Variants in GFOD2 observed in about 807,000 individuals in gnomAD.
The protein encoded by GFOD2 is Gfo/Idh/MocA-like oxidoreductase domain containing 2.
In GFOD2, 9 loss-of-function variants were observed where a neutral mutation model predicts 24.6. The ratio of observed to expected loss-of-function variants is 0.37; its 90% CI spans 0.22 to 0.64. The LOEUF is 0.64. Ranked by LOEUF, GFOD2 falls within the 30% of genes least tolerant of loss-of-function variation. The probability of loss-of-function intolerance (pLI) is 0.65; values close to 1 mark genes in which losing one functional copy is unlikely to be tolerated. For synonymous variants in GFOD2, 211 were observed against 224.8 expected, an observed-to-expected ratio of 0.94 and a Z score of 0.55; for missense variants, 476 against 532.5, an observed-to-expected ratio of 0.89 and a Z score of 1.04.
intron 1 of GFOD2, among the ~76,000 whole-genome samples, chr16:67,698,700 A>G (rs544491579): frequency 6.6e-6 from 1 of 152,304 alleles, no homozygotes; most frequent in Non-Finnish European, 1.5e-5. Context: ...GCTGGTCTCG[A>G]ACTCCTGACC....
chr16:67,689,176 T>C (rs1357226749), intron 1 of GFOD2, among the ~76,000 whole-genome samples: 1 of 151,506 alleles, frequency 6.6e-6, no homozygotes, highest in Non-Finnish European at 1.5e-5. Context: ...ATAGCTGGGA[T>C]TACAGGTGTG....
At chr16:67,713,860 T>C (rs191073721) in intron 1 of GFOD2, among the ~76,000 whole-genome samples, 16 of 152,150 alleles carry the variant, frequency 1.1e-4, no homozygotes, top group Admixed American at 4.6e-4. Flanking sequence ...TGCTTTGATG[T>C]TTCCTATGAC....
Position 67,675,529 on chromosome 16 carries a change from C to T in GFOD2, c.784G>A (p.Ala262Thr), listed in dbSNP as rs756020512. ...TGCCCATAGAGGTCGGCTCCCCGGG[C>T]GACGAGGCGTCCTGCAGAGCCTACC... ...MVVGSAGRLV[A>T]RGADLYGQKN... The change falls in exon 3 of 3, where the codon GCC (alanine) becomes ACC (threonine). Residue 262 changes from alanine to threonine, a missense_variant. Physicochemically the swap from Ala to Thr is moderately conservative, Grantham distance 58 (BLOSUM62 0). Coordinates refer to ENST00000268797, the MANE Select transcript of GFOD2 (RefSeq NM_030819.4). The T allele has an allele frequency of 5.6e-6, 9 of 1,612,744 alleles. No individual in the cohort carries two copies. Among genetic ancestry groups the T allele is most frequent in the African/African-American group, 5.3e-5 (4 of 74,946 alleles).
intron 1 of GFOD2, among the ~76,000 whole-genome samples, chr16:67,686,869 G>A (rs1015156922): frequency 1.3e-5 from 2 of 150,818 alleles, no homozygotes; most frequent in Non-Finnish European, 3.0e-5. Flanking sequence ...ACTGGAGGCC[G>A]GGCGTGGTGG....
At chr16:67,676,712 C>G (rs1033113099) in intron 2 of GFOD2, 1 of 152,290 alleles carries the variant, frequency 6.6e-6, no homozygotes, top group Non-Finnish European at 1.5e-5. Flanking sequence ...AAGGCTAGAA[C>G]ATGTTTGGCT....
intron 1 of GFOD2, among the ~76,000 whole-genome samples, chr16:67,686,153 C>G (rs956326882): frequency 6.6e-6 from 1 of 151,986 alleles, no homozygotes; most frequent in African/African-American, 2.4e-5. Flanking sequence ...TGGTGGCATG[C>G]GCTTGTTGTA....
At chr16:67,707,330 C>A (rs2053445838) in intron 1 of GFOD2, among the ~76,000 whole-genome samples, 1 of 150,930 alleles carries the variant, frequency 6.6e-6, no homozygotes, top group African/African-American at 2.4e-5. Context: ...TGCACTCCAG[C>A]CTGGGCCACA....
At position 67,719,275 on chromosome 16, in the gene GFOD2, G is replaced by T. The variant is rs1367717153; in HGVS notation, c.-200C>A. On this transcript the variant is annotated 5_prime_UTR_variant, in exon 1 of 3. Transcript: ENST00000268797. ...GGCTGGCGGGGATGCGCGGGCCCGG[G>T]AGTCCAGGGCGCCGCCACCGGGAAC... The T allele has an allele frequency of 1.3e-5, 2 of 152,248 alleles. No homozygotes were observed. Among genetic ancestry groups the T allele is most frequent in the African/African-American group, 4.8e-5 (2 of 41,456 alleles). The allele number at this position is 152,248 out of a possible 1,614,324, so 9.4% of individuals were successfully genotyped here.
chr16:67,704,249 C>T (rs886116643), intron 1 of GFOD2, among the ~76,000 whole-genome samples: 1 of 152,188 alleles, frequency 6.6e-6, no homozygotes, highest in African/African-American at 2.4e-5. Flanking sequence ...TGTTTACCAG[C>T]TGAGATAATT....
intron 1 of GFOD2, among the ~76,000 whole-genome samples, chr16:67,703,403 CAAACA>C (rs571968096): frequency 4.7e-4 from 71 of 151,200 alleles, no homozygotes; most frequent in African/African-American, 1.3e-3. Context: ...AACTCTGTCT[CAAACA>C]AAACAAAACA....
At chr16:67,686,675 CAA>C (rs58311667) in intron 1 of GFOD2, among the ~76,000 whole-genome samples, 1 of 143,478 alleles carries the variant, frequency 7.0e-6, no homozygotes. Context: ...GCTAAAAATA[CAA>C]AAAAAAAAAC....
intron 1 of GFOD2, among the ~76,000 whole-genome samples, chr16:67,694,051 A>G (rs1331136581): frequency 2.0e-5 from 3 of 151,750 alleles, no homozygotes; most frequent in South Asian, 2.1e-4. Context: ...CAGTGGTGCA[A>G]TCTTGGCTCA....
At chr16:67,688,452 G>A (rs1479404432) in intron 1 of GFOD2, among the ~76,000 whole-genome samples, 1 of 152,020 alleles carries the variant, frequency 6.6e-6, no homozygotes, top group East Asian at 1.9e-4. Flanking sequence ...GATCACAAGG[G>A]TTATACAATA....
chr16:67,696,854 C>T lies in GFOD2; in HGVS notation c.-87-11052G>A, dbSNP rs983116703. Among the ~76,000 whole-genome samples, 26 of 152,190 alleles carry T rather than the reference C, an allele frequency of 1.7e-4. 1 individual carries two copies. Among genetic ancestry groups the T allele is most frequent in the African/African-American group, 6.0e-4 (25 of 41,458 alleles). On this transcript the variant is annotated intron_variant, in intron 1 of 2. Transcript: ENST00000268797. Reference sequence around the variant, plus strand: ...CTCCCATAAAGGGGTATTGGCTGGCCCCCGAGGAAGCCAGATGGCATGAAG... The same window carrying T: ...CTCCCATAAAGGGGTATTGGCTGGCTCCCGAGGAAGCCAGATGGCATGAAG...
At chr16:67,704,417 A>G (rs992533578) in intron 1 of GFOD2, among the ~76,000 whole-genome samples, 2 of 152,208 alleles carry the variant, frequency 1.3e-5, no homozygotes, top group African/African-American at 4.8e-5. Flanking sequence ...CATTATTATT[A>G]TCTTCATTTT....
intron 1 of GFOD2, among the ~76,000 whole-genome samples, chr16:67,695,078 T>C (rs2053348672): frequency 6.6e-6 from 1 of 151,578 alleles, no homozygotes. Flanking sequence ...CTGCAACCTT[T>C]GCCGCTCCGG....
chr16:67,684,653 G>A (rs189055191), intron 2 of GFOD2: 18 of 667,548 alleles, frequency 2.7e-5, no homozygotes, highest in African/African-American at 1.2e-4. Flanking sequence ...CCGGGATTGC[G>A]CCATTGAACT....
intron 1 of GFOD2, among the ~76,000 whole-genome samples, chr16:67,704,263 G>C (rs1005602251): frequency 2.0e-5 from 3 of 152,030 alleles, no homozygotes; most frequent in African/African-American, 4.8e-5. Flanking sequence ...GATAATTTTG[G>C]ATATTTACTC....
chr16:67,685,667 G>C lies in GFOD2; in HGVS notation c.49C>G (p.Arg17Gly), dbSNP rs755631435. 6.2e-7 allele frequency: 1 copy of C among 1,613,914 alleles called. No homozygotes were observed. Among genetic ancestry groups the C allele is most frequent in the South Asian group, 1.1e-5 (1 of 91,084 alleles). The part of the protein sequence containing the change: ...VGVFGTGSSA[R>G]VLVPLLRAEG... ...GCCCTCAGCAGTGGGACCAGAACTC[G>C]GGCGGAGCTGCCAGTCCCAAACACG... Residue 17 changes from arginine (R) to glycine (G), a missense_variant, in exon 2 of 3, where the codon CGA (arginine) becomes GGA (glycine). Arg to Gly is a moderately radical substitution (Grantham distance 125). Transcript: ENST00000268797.
Sources: allele counts gnomAD v4.1 joint callset (sites outside exome capture counted in the v4.1 genomes callset), GRCh38; gene constraint gnomAD v4.1.1; transcripts MANE v1.5; gene names NCBI Gene and HGNC (gene_info 2026-07-23, HGNC 2026-07-21).